TAFA2: variants seen among roughly 807,000 people sequenced by gnomAD.
TAFA2 encodes the protein TAFA chemokine like family member 2, also known as chemokine-like protein TAFA-2.
TAFA2 carries 7 observed loss-of-function variants against 18.8 expected under a neutral mutation model. The ratio of observed to expected loss-of-function variants is 0.37; its 90% CI spans 0.21 to 0.70. The LOEUF is 0.70. Ranked by LOEUF, TAFA2 falls within the 30% of genes least tolerant of loss-of-function variation. The probability of loss-of-function intolerance (pLI) is 0.53; values close to 1 mark genes in which losing one functional copy is unlikely to be tolerated. For missense variants in TAFA2, 122 were observed against 158.1 expected, an observed-to-expected ratio of 0.77 and a Z score of 1.23; for synonymous variants, 60 against 54.2, an observed-to-expected ratio of 1.11 and a Z score of -0.47.
chr12:61,736,923 T>C (rs1269143986), intron 4 of TAFA2, among the ~76,000 whole-genome samples: 1 of 152,018 alleles, frequency 6.6e-6, no homozygotes, highest in East Asian at 1.9e-4. Context: ...TGTTAAAGTT[T>C]GGCATTGAAG....
At chr12:61,776,901 A>C (rs1870285636) in intron 2 of TAFA2, among the ~76,000 whole-genome samples, 1 of 151,866 alleles carries the variant, frequency 6.6e-6, no homozygotes, top group African/African-American at 2.4e-5. Flanking sequence ...AATCTTGTCC[A>C]TAATTAGAAG....
chr12:62,045,071 G>A (rs1881874792), intron 1 of TAFA2, among the ~76,000 whole-genome samples: 1 of 152,088 alleles, frequency 6.6e-6, no homozygotes, highest in Non-Finnish European at 1.5e-5. Context: ...TTTCTTTATG[G>A]AGAAACCTAA....
chr12:62,126,377 T>C (rs565512502), intron 1 of TAFA2, among the ~76,000 whole-genome samples: 309 of 152,212 alleles, frequency 2.0e-3, no homozygotes, highest in Non-Finnish European at 1.8e-3. Context: ...GGCATTAACA[T>C]ATATTTCGTT....
intron 2 of TAFA2, among the ~76,000 whole-genome samples, chr12:61,854,978 T>C (rs531443918): frequency 2.6e-5 from 4 of 152,254 alleles, no homozygotes; most frequent in Admixed American, 2.6e-4. Context: ...CAGGATGAAG[T>C]ATGTACACCA....
At chr12:62,048,230 CAGGAAACTTACAATCA>C (rs1318046387) in intron 1 of TAFA2, among the ~76,000 whole-genome samples, 2 of 62,726 alleles carry the variant, frequency 3.2e-5, no homozygotes, top group East Asian at 3.3e-4. Flanking sequence ...GGGGAGGTCT[CAGGAAACTTACAATCA>C]TGGCAGAAGG....
intron 4 of TAFA2, among the ~76,000 whole-genome samples, chr12:61,719,713 AGC>A (rs1174933964): frequency 6.6e-6 from 1 of 152,164 alleles, no homozygotes; most frequent in Non-Finnish European, 1.5e-5. Context: ...TTGTTTGTGC[AGC>A]GGGCAAGAAG....
At chr12:61,965,263 G>A (rs1393862242) in intron 1 of TAFA2, among the ~76,000 whole-genome samples, 2 of 151,730 alleles carry the variant, frequency 1.3e-5, no homozygotes, top group Admixed American at 1.3e-4. Flanking sequence ...TTCACTATGT[G>A]AGGACACAGC....
Position 61,867,418 on chromosome 12 carries a change from T to G in TAFA2, c.8A>C (p.Lys3Thr). The change falls in exon 2 of 5, where the codon AAG becomes ACG. Residue 3 changes from lysine to threonine, a missense_variant. Around this residue, in one of 2 missense-constraint regions of TAFA2, gnomAD observed 62 missense variants for 55.5 expected, o/e 1.12. Coordinates refer to ENST00000416284, the MANE Select transcript of TAFA2 (RefSeq NM_178539.5). Reference sequence around the variant, plus strand: ...TTTTGTTGCTTTCTGTAAGTATCTCTTACTCATCCTGCAAATAAAAAAATA... The same window carrying G: ...TTTTGTTGCTTTCTGTAAGTATCTCGTACTCATCCTGCAAATAAAAAAATA... MS[K>T]RYLQKATKGK... The G allele has an allele frequency of 3.3e-6, 5 of 1,526,522 alleles. No individual in the cohort carries two copies. The highest frequency in any genetic ancestry group is 4.5e-6 in the Non-Finnish European group (5 of 1,108,172). 94.6% of individuals were successfully genotyped at this position (1,526,522 alleles called of 1,614,324 possible).
chr12:61,976,147 C>T (rs533356613), intron 1 of TAFA2, among the ~76,000 whole-genome samples: 15 of 151,812 alleles, frequency 9.9e-5, no homozygotes, highest in Non-Finnish European at 1.8e-4. Context: ...TCTTTCTTCA[C>T]CAGCTAGAAA....
At chr12:61,920,546 T>C (rs1021246199) in intron 1 of TAFA2, among the ~76,000 whole-genome samples, 2 of 152,252 alleles carry the variant, frequency 1.3e-5, no homozygotes, top group Non-Finnish European at 2.9e-5. Context: ...TCCTTTGTCA[T>C]GTCACTTTTC....
At chr12:62,206,201 C>T (rs1323184668) in intron 1 of TAFA2, among the ~76,000 whole-genome samples, 7 of 152,136 alleles carry the variant, frequency 4.6e-5, no homozygotes, top group Non-Finnish European at 8.8e-5. Context: ...TTTTATCAGC[C>T]AACCAGCCAG....
At chr12:62,150,642 C>T (rs2062321623) in intron 1 of TAFA2, among the ~76,000 whole-genome samples, 2 of 152,172 alleles carry the variant, frequency 1.3e-5, no homozygotes, top group African/African-American at 4.8e-5. Flanking sequence ...GTGGCTCACA[C>T]CTGTAATCAC....
At chr12:61,724,066 C>T (rs1870025805) in intron 4 of TAFA2, among the ~76,000 whole-genome samples, 6 of 152,108 alleles carry the variant, frequency 3.9e-5, no homozygotes, top group Non-Finnish European at 1.5e-5. Context: ...TAATATTGTG[C>T]ATGCAATCAC....
intron 1 of TAFA2, among the ~76,000 whole-genome samples, chr12:62,239,656 C>G (rs2062853253): frequency 6.6e-6 from 1 of 152,122 alleles, no homozygotes; most frequent in Non-Finnish European, 1.5e-5. Context: ...AAAAGAAAAA[C>G]AGCTGCTTGT....
chr12:61,825,034 T>C (rs960114463), intron 2 of TAFA2, among the ~76,000 whole-genome samples: 2 of 152,176 alleles, frequency 1.3e-5, no homozygotes, highest in African/African-American at 4.8e-5. Context: ...TTGACTCTTA[T>C]GGATGGGTAA....
chr12:62,125,761 C>A (rs1870431624), intron 1 of TAFA2, among the ~76,000 whole-genome samples: 1 of 152,114 alleles, frequency 6.6e-6, no homozygotes, highest in East Asian at 1.9e-4. Flanking sequence ...GGTTCAAATT[C>A]CATCTCCACC....
At chr12:61,861,711 C>G (rs2121199444) in intron 2 of TAFA2, among the ~76,000 whole-genome samples, 1 of 152,260 alleles carries the variant, frequency 6.6e-6, no homozygotes, top group South Asian at 2.1e-4. Flanking sequence ...GGCTATGTCT[C>G]CCAGGCTTTG....
intron 1 of TAFA2, among the ~76,000 whole-genome samples, chr12:62,054,098 T>C (rs532774877): frequency 1.3e-5 from 2 of 152,330 alleles, no homozygotes; most frequent in Admixed American, 1.3e-4. Flanking sequence ...GATACAGCTG[T>C]GTACTTCCAG....
At position 61,802,027 on chromosome 12, in the gene TAFA2, A is replaced by G. The variant is rs1871417434; in HGVS notation, c.107-47003T>C. ...TACTTTTAAAAGCTCAATATCATTA[A>G]TCATCAGAGAAATGCAAGTCAAAAC... On this transcript the variant is annotated intron_variant, in intron 2 of 4. Transcript: ENST00000416284. Among the ~76,000 whole-genome samples, 7 of 152,118 alleles carry G rather than the reference A, an allele frequency of 4.6e-5. No individual in the cohort carries two copies. The South Asian group carries it at 1.5e-3, about 32-fold the overall frequency.
Sources: gnomAD v4.1 joint callset for allele counts (sites outside exome capture counted in the v4.1 genomes callset) on GRCh38, gnomAD v4.1.1 for gene constraint, gnomAD v4.1.1 regional missense constraint, MANE v1.5 for transcripts, NCBI Gene and HGNC (gene_info 2026-07-23, HGNC 2026-07-21) for gene names.